FYB2: variants seen among roughly 807,000 people sequenced by gnomAD.
The protein encoded by FYB2 is FYN-binding protein 2.
Under a neutral mutation model 94.1 loss-of-function variants are expected in FYB2, and 103 were observed. The ratio of observed to expected loss-of-function variants is 1.09; its 90% CI spans 0.93 to 1.29. The LOEUF is 1.29. Ranked by LOEUF, FYB2 falls within the 50% of genes most tolerant of loss-of-function variation. FYB2 has a pLI of 0.00. For synonymous variants in FYB2, 293 were observed against 287.9 expected, an observed-to-expected ratio of 1.02 and a Z score of -0.18; for missense variants, 896 against 841.5, an observed-to-expected ratio of 1.06 and a Z score of -0.80.
At chr1:56,791,765 G>T (rs1473779196) in intron 2 of FYB2, among the ~76,000 whole-genome samples, 1 of 152,180 alleles carries the variant, frequency 6.6e-6, no homozygotes, top group East Asian at 1.9e-4. Flanking sequence ...GAGCACTCAG[G>T]CTCTAAGAAT....
intron 4 of FYB2, among the ~76,000 whole-genome samples, chr1:56,776,310 C>CT (rs1645875218): frequency 6.6e-6 from 1 of 152,000 alleles, no homozygotes; most frequent in Admixed American, 6.6e-5. Flanking sequence ...TGGGGAAGTT[C>CT]TTTTTCTTGT....
chr1:56,746,698 T>C (rs1645075005), intron 9 of FYB2, among the ~76,000 whole-genome samples: 3 of 152,030 alleles, frequency 2.0e-5, no homozygotes, highest in Admixed American at 2.0e-4. Flanking sequence ...CATTCTACTT[T>C]TTATGGGCAT....
intron 7 of FYB2, among the ~76,000 whole-genome samples, chr1:56,754,633 C>A (rs1180546098): frequency 1.3e-5 from 2 of 152,032 alleles, no homozygotes; most frequent in Non-Finnish European, 2.9e-5. Flanking sequence ...GGTTTTTGCA[C>A]CTCACTTCTG....
chr1:56,726,356 C>T, intron 16 of FYB2, 141 bp downstream of exon 16: 1 of 673,770 alleles, frequency 1.5e-6, no homozygotes, highest in Non-Finnish European at 2.5e-6. Context: ...TCAACTGTAC[C>T]ATGATGTAGG....
upstream of FYB2, chr1:56,824,503 T>A (rs1186055303): frequency 6.6e-6 from 1 of 152,232 alleles, no homozygotes; most frequent in Non-Finnish European, 1.5e-5. Context: ...TTCACATATG[T>A]TGGAAAGTTC....
At chr1:56,820,431 T>G (rs1177338341), upstream of FYB2, among the ~76,000 whole-genome samples, 1 of 152,212 alleles carries the variant, frequency 6.6e-6, no homozygotes, top group East Asian at 1.9e-4. Flanking sequence ...TTGCCAGTTT[T>G]GGGGCTTTCA....
chr1:56,805,615 G>A (rs1251479008), intron 1 of FYB2, among the ~76,000 whole-genome samples: 1 of 152,138 alleles, frequency 6.6e-6, no homozygotes, highest in Non-Finnish European at 1.5e-5. Context: ...AAAGCCTGTT[G>A]ATATGGTTTG....
Position 56,730,104 on chromosome 1 carries a change from T to C in FYB2, c.1794-3521A>G, listed in dbSNP as rs145526864. On this transcript the variant is annotated intron_variant, in intron 15 of 19. Coordinates refer to ENST00000343433, the MANE Select transcript of FYB2 (RefSeq NM_001004303.5). ...AGAAAGATTTCAAAAAACAATCTAA[T>C]GATTTGTCTCAAAGAATTAGAAAAG... 8.9e-4 allele frequency among the ~76,000 whole-genome samples: 135 copies of C among 151,816 alleles called. 2 individuals are homozygous for C. The highest frequency in any genetic ancestry group is 3.1e-3 in the African/African-American group (128 of 41,374).
At chr1:56,796,617 G>T (rs552821151) in intron 1 of FYB2, among the ~76,000 whole-genome samples, 16 of 152,210 alleles carry the variant, frequency 1.1e-4, no homozygotes, top group Middle Eastern at 3.4e-3. Context: ...CATCCTCAAA[G>T]CTTTCAAATA....
chr1:56,826,097 G>T, the FYB2 span, among the ~76,000 whole-genome samples: 3 of 152,206 alleles, frequency 2.0e-5, no homozygotes, highest in Admixed American at 1.3e-4. Flanking sequence ...CATAATCTTT[G>T]CATCAAGGGA....
At chr1:56,791,995 C>T in intron 2 of FYB2, 61 bp downstream of exon 2, 1 of 1,510,618 alleles carries the variant, frequency 6.6e-7, no homozygotes, top group East Asian at 2.3e-5. Context: ...AACAGGTTTT[C>T]AAGTAGAAAA....
intron 6 of FYB2, 87 bp from the exon 7 acceptor site, chr1:56,756,014 C>T: frequency 1.5e-6 from 2 of 1,319,312 alleles, no homozygotes; most frequent in Non-Finnish European, 2.2e-6. Flanking sequence ...GAGACTACAC[C>T]AAAAGGTGAG....
rs57903838 is a variant in FYB2 at position 56,723,204 on chromosome 1, G to GACACAC, written c.1974+378_1974+383dup. Among the ~76,000 whole-genome samples, 20 of 149,410 alleles carry GACACAC rather than the reference G, an allele frequency of 1.3e-4. No homozygotes were observed. The East Asian group carries it at 3.0e-3, about 22-fold the overall frequency. The stretch of plus-strand genomic sequence containing the variant: ...TCAAGAGATTAATTAAAGATTCACA[G>GACACAC]ACACACACACACACACACACGCACA... On this transcript the variant is annotated intron_variant, in intron 17 of 19. Transcript: ENST00000343433.
chr1:56,809,904 T>G (rs2101072587), intron 1 of FYB2, among the ~76,000 whole-genome samples: 1 of 152,250 alleles, frequency 6.6e-6, no homozygotes, highest in African/African-American at 2.4e-5. Flanking sequence ...GGGATACAGC[T>G]TTTCACATCC....
chr1:56,727,527 G>T (rs1049661851), intron 15 of FYB2, among the ~76,000 whole-genome samples: 10 of 152,028 alleles, frequency 6.6e-5, no homozygotes, highest in African/African-American at 2.4e-4. Context: ...AAGGAAAAAT[G>T]AAATATTATA....
chr1:56,784,387 T>C (rs527572654), intron 4 of FYB2, among the ~76,000 whole-genome samples: 1 of 152,294 alleles, frequency 6.6e-6, no homozygotes, highest in South Asian at 2.1e-4. Flanking sequence ...CTTCCAGTAA[T>C]GAGAGCCTAC....
intron 4 of FYB2, among the ~76,000 whole-genome samples, chr1:56,775,582 G>A (rs1267595971): frequency 6.6e-6 from 1 of 152,148 alleles, no homozygotes; most frequent in Non-Finnish European, 1.5e-5. Flanking sequence ...TGAAGAAACT[G>A]AAGCATGATG....
At chr1:56,767,463 G>T (rs958374130) in intron 5 of FYB2, among the ~76,000 whole-genome samples, 2 of 152,130 alleles carry the variant, frequency 1.3e-5, no homozygotes, top group Admixed American at 6.5e-5. Flanking sequence ...GGAACTTCAA[G>T]AAAGACACCA....
chr1:56,740,624 G>T, intron 13 of FYB2, 73 bp downstream of exon 13: 1 of 867,138 alleles, frequency 1.2e-6, no homozygotes, highest in Non-Finnish European at 1.8e-6. Flanking sequence ...TTCTGAGATT[G>T]GATGGAGAAC....
Sources: gnomAD v4.1 joint callset for allele counts (sites outside exome capture counted in the v4.1 genomes callset) on GRCh38, gnomAD v4.1.1 for gene constraint, MANE v1.5 for transcripts, NCBI Gene and HGNC (gene_info 2026-07-23, HGNC 2026-07-21) for gene names.